Variants in ADAM9 observed in about 807,000 individuals in gnomAD.
The protein encoded by ADAM9 is disintegrin and metalloproteinase domain-containing protein 9.
ADAM9 carries 54 observed loss-of-function variants against 108.1 expected under a neutral mutation model. The observed-to-expected ratio is 0.50, with a 90% CI of 0.40 to 0.63. The LOEUF is 0.63. Among genes scored for constraint, ADAM9 ranks in the 20% least tolerant of loss-of-function variants. The pLI, the probability that ADAM9 is intolerant of heterozygous loss-of-function variation, is 0.00. For synonymous variants in ADAM9, 316 were observed against 336.0 expected, an observed-to-expected ratio of 0.94 and a Z score of 0.65; for missense variants, 830 against 997.7, an observed-to-expected ratio of 0.83 and a Z score of 2.26.
intron 18 of ADAM9, among the ~76,000 whole-genome samples, chr8:39,089,141 C>T (rs567400301): frequency 1.2e-4 from 19 of 152,092 alleles, no homozygotes; most frequent in Admixed American, 9.8e-4. Context: ...CCCAGCTACT[C>T]GGGAGGTGGA....
chr8:39,011,970 A>G (rs751707329), intron 3 of ADAM9, among the ~76,000 whole-genome samples: 1 of 152,236 alleles, frequency 6.6e-6, no homozygotes, highest in Non-Finnish European at 1.5e-5. Flanking sequence ...AAGGCTACAC[A>G]TATGTGGGGG....
At chr8:39,032,392 C>G (rs772751487) in intron 11 of ADAM9, among the ~76,000 whole-genome samples, 1 of 152,272 alleles carries the variant, frequency 6.6e-6, no homozygotes, top group African/African-American at 2.4e-5. Flanking sequence ...ACGCCCCTCC[C>G]CCTGCCAGGC....
chr8:39,099,079 A>C (rs1383675271), intron 20 of ADAM9, among the ~76,000 whole-genome samples: 1 of 152,110 alleles, frequency 6.6e-6, no homozygotes, highest in Non-Finnish European at 1.5e-5. Context: ...ATCTATCAGC[A>C]CCAAGGCAGT....
chr8:39,094,113 A>G (rs1229566767), intron 20 of ADAM9, among the ~76,000 whole-genome samples: 1 of 152,212 alleles, frequency 6.6e-6, no homozygotes, highest in East Asian at 1.9e-4. Flanking sequence ...AGTTTTTATC[A>G]TGAAAGAATG....
At chr8:39,010,314 A>T (rs570469630) in intron 2 of ADAM9, among the ~76,000 whole-genome samples, 1 of 152,340 alleles carries the variant, frequency 6.6e-6, no homozygotes, top group South Asian at 2.1e-4. Flanking sequence ...AAGCTGTGGC[A>T]ATAGAAAGAG....
At chr8:39,046,981 C>G (rs531944055) in intron 12 of ADAM9, among the ~76,000 whole-genome samples, 3 of 152,252 alleles carry the variant, frequency 2.0e-5, no homozygotes, top group South Asian at 4.1e-4. Context: ...ATTGCCTAGA[C>G]TGGTCTCGAA....
intron 16 of ADAM9, among the ~76,000 whole-genome samples, chr8:39,080,874 T>G (rs184500540): frequency 1.3e-5 from 2 of 151,940 alleles, no homozygotes; most frequent in African/African-American, 2.4e-5. Flanking sequence ...GTGGTGGTTG[T>G]TGGTGGTGGC....
intron 6 of ADAM9, among the ~76,000 whole-genome samples, chr8:39,018,385 C>A (rs1286783551): frequency 1.3e-5 from 2 of 152,100 alleles, no homozygotes; most frequent in Non-Finnish European, 2.9e-5. Flanking sequence ...AAAATGGCAA[C>A]CTTATTCTAA....
intron 1 of ADAM9, among the ~76,000 whole-genome samples, chr8:38,998,428 CTG>C (rs1243098397): frequency 6.6e-6 from 1 of 152,016 alleles, no homozygotes; most frequent in Non-Finnish European, 1.5e-5. Context: ...GTAAATAAGA[CTG>C]TATTTTTAAA....
At chr8:39,002,797 C>G (rs1836043906) in intron 1 of ADAM9, among the ~76,000 whole-genome samples, 1 of 152,158 alleles carries the variant, frequency 6.6e-6, no homozygotes, top group Non-Finnish European at 1.5e-5. Flanking sequence ...TGTTAAGTTT[C>G]ATGTTTCAGT....
intron 9 of ADAM9, among the ~76,000 whole-genome samples, chr8:39,024,142 T>C (rs2129434140): frequency 6.6e-6 from 1 of 152,346 alleles, no homozygotes; most frequent in Non-Finnish European, 1.5e-5. Context: ...AACATTCTGA[T>C]TCCTGACCTT....
chr8:39,024,504 G>A (rs1836858796), intron 9 of ADAM9, among the ~76,000 whole-genome samples: 1 of 152,146 alleles, frequency 6.6e-6, no homozygotes, highest in Admixed American at 6.5e-5. Context: ...CTTTTTGGAA[G>A]CCTTGAGTCC....
chr8:39,095,452 T>G (rs1463914767), intron 20 of ADAM9, among the ~76,000 whole-genome samples: 1 of 152,214 alleles, frequency 6.6e-6, no homozygotes, highest in African/African-American at 2.4e-5. Flanking sequence ...TTTCCTAAAT[T>G]TCTTCAGTTA....
At chr8:39,022,250 A>G (rs1836772103) in intron 8 of ADAM9, among the ~76,000 whole-genome samples, 3 of 152,184 alleles carry the variant, frequency 2.0e-5, no homozygotes, top group Non-Finnish European at 1.5e-5. Flanking sequence ...GATGATGATG[A>G]TAGCATTCAC....
chr8:39,091,351 GTATA>G lies in ADAM9; in HGVS notation c.2298+6_2298+9del. On this transcript the variant is annotated splice_donor_region_variant and intron_variant, in intron 20 of 21. Coordinates refer to ENST00000487273, the MANE Select transcript of ADAM9 (RefSeq NM_003816.3). ...GTGACACCTCCCAGAGAAGTTGTAA[GTATA>G]AAATGAAAAATTATTTTTCTTTACT... 1 of 1,611,654 alleles carries G rather than the reference GTATA, an allele frequency of 6.2e-7. No homozygotes were observed. Among genetic ancestry groups the G allele is most frequent in the East Asian group, 2.2e-5 (1 of 44,850 alleles).
intron 16 of ADAM9, among the ~76,000 whole-genome samples, chr8:39,081,876 T>C (rs72640008): frequency 0.017 from 2,601 of 152,316 alleles, 38 homozygotes; most frequent in Non-Finnish European, 0.029. Flanking sequence ...ACGTTAGTCT[T>C]CTTTTTTTCC....
chr8:39,023,740 G>GTTTTTTTTTTT (rs869059346), intron 9 of ADAM9, among the ~76,000 whole-genome samples: 4 of 78,898 alleles, frequency 5.1e-5, no homozygotes, highest in African/African-American at 1.6e-4. Context: ...TTTTGCGTTT[G>GTTTTTTTTTTT]TTTTTTTTTT....
chr8:39,081,906 A>G (rs576937936), intron 16 of ADAM9, among the ~76,000 whole-genome samples: 2 of 152,302 alleles, frequency 1.3e-5, no homozygotes, highest in South Asian at 2.1e-4. Context: ...ACAACAGAGC[A>G]GTTTTCACAA....
chr8:39,021,282 T>C (rs1836730342), intron 7 of ADAM9, among the ~76,000 whole-genome samples: 1 of 152,150 alleles, frequency 6.6e-6, no homozygotes. Context: ...CACATTTTTA[T>C]TTTATTTTTA....
Sources: gnomAD v4.1 joint callset for allele counts (sites outside exome capture counted in the v4.1 genomes callset) on GRCh38, gnomAD v4.1.1 for gene constraint, MANE v1.5 for transcripts, NCBI Gene and HGNC (gene_info 2026-07-23, HGNC 2026-07-21) for gene names.